The following IDH3B variants were observed in gnomAD, a reference collection of about 807,000 sequenced individuals.
The protein encoded by IDH3B is isocitrate dehydrogenase (NAD(+)) 3 non-catalytic subunit beta, also known as isocitrate dehydrogenase [NAD] subunit beta, mitochondrial.
A neutral mutation model predicts 47.5 loss-of-function variants in IDH3B; 40 were observed. That is an observed-to-expected ratio of 0.84 (90% confidence interval 0.65 to 1.10). The LOEUF (loss-of-function observed/expected upper bound fraction) is 1.10. IDH3B is among the 50% of genes least tolerant of loss of function. IDH3B has a pLI of 0.00. For synonymous variants in IDH3B, 185 were observed against 191.0 expected (o/e 0.97, Z 0.26); for missense variants, 450 against 505.2 (o/e 0.89, Z 1.05).
intron 9 of IDH3B, 55 bp downstream of exon 9, chr20:2,659,975 A>C (rs2086910145): frequency 1.2e-6 from 2 of 1,609,480 alleles, no homozygotes; most frequent in Non-Finnish European, 1.7e-6. Flanking sequence ...TTGGGATGGG[A>C]GAGGAATGGC....
intron 4 of IDH3B, among the ~76,000 whole-genome samples, chr20:2,662,019 A>G (rs34057313): frequency 0.077 from 11,768 of 152,222 alleles, 651 homozygotes; most frequent in East Asian, 0.22. Flanking sequence ...TGATGCATCT[A>G]CAAGTCAAAA....
intron 4 of IDH3B, 37 bp from the exon 5 acceptor site, chr20:2,661,006 A>T: frequency 6.3e-7 from 1 of 1,597,150 alleles, no homozygotes; most frequent in Non-Finnish European, 8.6e-7. Context: ...TGTCAGCCAC[A>T]GGCCAAGCCC....
chr20:2,663,897 G>A lies in IDH3B; in HGVS notation c.117+28C>T. 1.9e-6 allele frequency: 3 copies of A among 1,611,476 alleles called. No individual in the cohort carries two copies. The South Asian group carries it at 3.3e-5, about 18-fold the overall frequency. ...CAGCGAGGAAGGGACAGGGTCGTAA[G>A]AGAGACCCCAGCCAGATTCGTGCAT... On this transcript the variant is annotated intron_variant, in intron 2 of 11. Transcript: ENST00000380843.
intron 4 of IDH3B, among the ~76,000 whole-genome samples, chr20:2,662,689 T>A (rs997324786): frequency 1.3e-5 from 2 of 151,744 alleles, no homozygotes; most frequent in Non-Finnish European, 2.9e-5. Context: ...GCATGGTGGC[T>A]CACACTTGTA....
At position 2,658,784 on chromosome 20, in the gene IDH3B, A is replaced by C; in HGVS notation, c.1125T>G (p.Ser375=). The C allele has an allele frequency of 6.2e-7, 1 of 1,614,224 alleles. No homozygotes were observed. The highest frequency in any genetic ancestry group is 2.2e-5 in the East Asian group (1 of 44,884). ...GYSTTTDFIK[S]VIGHLQTKGS ...CTTTAGTCTGCAGGTGACCGATGAC[A>C]GACTTGATGAAGTCGGTTGTGGTGC... Residue 375 remains serine, a synonymous_variant, in exon 12 of 12, where the codon TCT becomes TCG. Coordinates refer to ENST00000380843, the MANE Select transcript of IDH3B (RefSeq NM_006899.5).
In IDH3B at chr20:2,663,647, C is replaced by A. The variant is rs749245355; in HGVS notation, c.216+13G>T. 1 of 1,614,050 alleles carries A rather than the reference C, an allele frequency of 6.2e-7. No homozygotes were observed. The highest frequency in any genetic ancestry group is 1.3e-5 in the African/African-American group (1 of 74,912). On this transcript the variant is annotated intron_variant, in intron 3 of 11. Coordinates refer to ENST00000380843, the MANE Select transcript of IDH3B (RefSeq NM_006899.5). ...CTACTGTCCTCTACTGTCTGATCCC[C>A]GAGGCCACTCACCTTGAACACCTCC...
intron 4 of IDH3B, among the ~76,000 whole-genome samples, chr20:2,663,069 G>C (rs759495033): frequency 4.6e-5 from 7 of 151,876 alleles, no homozygotes; most frequent in Non-Finnish European, 7.4e-5. Flanking sequence ...GGAGGTTGCA[G>C]TGAGCCGAGA....
In IDH3B at chr20:2,659,542, CCTT is replaced by C. The variant is rs774653761; in HGVS notation, c.1051_1053del (p.Lys351del). The C allele has an allele frequency of 8.7e-6, 14 of 1,614,226 alleles. No individual in the cohort carries two copies. Among genetic ancestry groups the C allele is most frequent in the African/African-American group, 1.3e-5 (1 of 75,056 alleles). On this transcript the variant is annotated inframe_deletion, in exon 11 of 12. Coordinates refer to ENST00000380843, the MANE Select transcript of IDH3B (RefSeq NM_006899.5). Reference sequence around the variant, plus strand: ...CAACTCACCTTGCCAACTTTGATCACCTTCTTCACCGCATCTGCGATCATGCTG... The same window carrying C: ...CAACTCACCTTGCCAACTTTGATCACCTTCACCGCATCTGCGATCATGCTG...
chr20:2,661,202 T>TGTGC (rs1491115260), intron 4 of IDH3B, among the ~76,000 whole-genome samples: 1 of 151,096 alleles, frequency 6.6e-6, no homozygotes, highest in Non-Finnish European at 1.5e-5. Flanking sequence ...TGTGTGTGTG[T>TGTGC]GCGTGTGTGA....
chr20:2,664,015 G>C lies in IDH3B; in HGVS notation c.37-10C>G. Reference sequence around the variant, plus strand: ...CGGCGGAGACCAGCGCCTGCAACAGGGACACACAAGCCTGTAAGGTCAGCT... The same window carrying C: ...CGGCGGAGACCAGCGCCTGCAACAGCGACACACAAGCCTGTAAGGTCAGCT... On this transcript the variant is annotated splice_polypyrimidine_tract_variant and intron_variant, in intron 1 of 11. Coordinates refer to ENST00000380843, the MANE Select transcript of IDH3B (RefSeq NM_006899.5). 6.2e-7 allele frequency: 1 copy of C among 1,613,882 alleles called. No individual in the cohort carries two copies. Among genetic ancestry groups the C allele is most frequent in the Non-Finnish European group, 8.5e-7 (1 of 1,179,920 alleles).
chr20:2,659,337 G>A lies in IDH3B; in HGVS notation c.1071+188C>T, dbSNP rs560344760. Reference sequence around the variant, plus strand: ...TCTAAGAGGCAAAAGAGATCAAGAGGATGAAACAGCCAAGAGAAGGGAGAT... The same window carrying A: ...TCTAAGAGGCAAAAGAGATCAAGAGAATGAAACAGCCAAGAGAAGGGAGAT... On this transcript the variant is annotated intron_variant, in intron 11 of 11. Transcript: ENST00000380843. 343 of 1,562,500 alleles carry A rather than the reference G, an allele frequency of 2.2e-4. 1 individual carries two copies. In the South Asian group the frequency reaches 3.7e-3, roughly 17 times the overall value.
chr20:2,658,700 TGAAGG>T lies in IDH3B; in HGVS notation c.*46_*50del, dbSNP rs1198896814. The T allele has an allele frequency of 6.2e-7, 1 of 1,614,084 alleles. No individual in the cohort carries two copies. The highest frequency in any genetic ancestry group is 2.2e-5 in the East Asian group (1 of 44,872). On this transcript the variant is annotated 3_prime_UTR_variant, in exon 12 of 12. Coordinates refer to ENST00000380843, the MANE Select transcript of IDH3B (RefSeq NM_006899.5). The stretch of plus-strand genomic sequence containing the variant: ...AGGTCTCTTCCCTGGTACACTGCAC[TGAAGG>T]GTATGGGGAGTGTGGTCCTTGCAAG...
In IDH3B at chr20:2,658,683, T is replaced by G. The variant is rs2086868375; in HGVS notation, c.*68A>C. The G allele has an allele frequency of 1.2e-6, 2 of 1,614,004 alleles. No individual in the cohort carries two copies. The highest frequency in any genetic ancestry group is 2.7e-5 in the African/African-American group (2 of 74,904). ...CACTGCTTAGAGGCACAAGGTCTCTTCCCTGGTACACTGCACTGAAGGGTA... is the reference window on the plus strand; with the variant it reads ...CACTGCTTAGAGGCACAAGGTCTCTGCCCTGGTACACTGCACTGAAGGGTA... On this transcript the variant is annotated 3_prime_UTR_variant, in exon 12 of 12. Coordinates refer to ENST00000380843, the MANE Select transcript of IDH3B (RefSeq NM_006899.5).
At position 2,663,721 on chromosome 20, in the gene IDH3B, G is replaced by A. The variant is rs1242185433; in HGVS notation, c.155C>T (p.Thr52Ile). Residue 52 changes from threonine (T) to isoleucine (I), a missense_variant, in exon 3 of 12, where the codon ACC becomes ATC. Coordinates refer to ENST00000380843, the MANE Select transcript of IDH3B (RefSeq NM_006899.5). ...DVRVEGSFPV[T>I]MLPGDGVGPE... ...CCCCACACCGTCTCCCGGAAGCATGGTCACGGGAAAGGAGCCCTCCACCCT... is the reference window on the plus strand; with the variant it reads ...CCCCACACCGTCTCCCGGAAGCATGATCACGGGAAAGGAGCCCTCCACCCT... 6.2e-7 allele frequency: 1 copy of A among 1,614,060 alleles called. No individual in the cohort carries two copies. Among genetic ancestry groups the A allele is most frequent in the Non-Finnish European group, 8.5e-7 (1 of 1,180,046 alleles).
At chr20:2,659,117 G>A in intron 11 of IDH3B, 2 of 1,192,692 alleles carry the variant, frequency 1.7e-6, no homozygotes, top group South Asian at 2.0e-5. Context: ...ACCTTCCTTG[G>A]AAGAAATAGA....
intron 11 of IDH3B, chr20:2,659,128 G>T: frequency 7.0e-7 from 1 of 1,435,232 alleles, no homozygotes; most frequent in South Asian, 1.5e-5. Flanking sequence ...AAGAAATAGA[G>T]ACAAGACCAG....
At chr20:2,659,073 G>A in intron 11 of IDH3B, 2 of 1,439,730 alleles carry the variant, frequency 1.4e-6, no homozygotes, top group South Asian at 3.0e-5. Flanking sequence ...AGGCAAAGAT[G>A]ATGGGAAACG....
intron 11 of IDH3B, chr20:2,659,308 G>A: frequency 6.6e-7 from 1 of 1,503,844 alleles, no homozygotes; most frequent in Non-Finnish European, 8.8e-7. Flanking sequence ...AACAGCAGAT[G>A]GGATCTAAGA....
chr20:2,663,662 T>C lies in IDH3B; in HGVS notation c.214A>G (p.Lys72Glu). ...GTCTGATCCCCGAGGCCACTCACCTTGAACACCTCCTTGACGGCGTGCATC... is the reference window on the plus strand; with the variant it reads ...GTCTGATCCCCGAGGCCACTCACCTCGAACACCTCCTTGACGGCGTGCATC... ...ELMHAVKEVF[K>E]AAAVPVEFQE... Residue 72 changes from lysine to glutamate, a missense_variant and splice_region_variant, in exon 3 of 12, where the codon AAG becomes GAG. Transcript: ENST00000380843. 1.9e-6 allele frequency: 3 copies of C among 1,614,214 alleles called. No homozygotes were observed. Among genetic ancestry groups the C allele is most frequent in the Non-Finnish European group, 2.5e-6 (3 of 1,180,042 alleles).
Sources: gnomAD v4.1 joint callset for allele counts (sites outside exome capture counted in the v4.1 genomes callset) on GRCh38, gnomAD v4.1.1 for gene constraint, MANE v1.5 for transcripts, NCBI Gene and HGNC (gene_info 2026-07-23, HGNC 2026-07-21) for gene names.